Variants in EBPL observed in about 807,000 individuals in gnomAD.
EBPL encodes EBP like, also known as emopamil-binding protein-like.
A neutral mutation model predicts 19.0 loss-of-function variants in EBPL; 20 were observed. The observed-to-expected ratio is 1.05, with a 90% CI of 0.74 to 1.53. EBPL has a LOEUF of 1.53. EBPL is among the 40% of genes most tolerant of loss of function. The pLI is 0.00. For missense variants in EBPL, 219 were observed against 261.1 expected, an observed-to-expected ratio of 0.84 and a Z score of 1.11; for synonymous variants, 107 against 117.0, an observed-to-expected ratio of 0.91 and a Z score of 0.55.
intron 3 of EBPL, 62 bp downstream of exon 3, chr13:49,662,995 C>T (rs1436035750): frequency 1.4e-5 from 23 of 1,598,778 alleles, no homozygotes; most frequent in Non-Finnish European, 1.7e-5. Context: ...CCAAAGGTCA[C>T]CTAAGTGTTG....
At chr13:49,689,821 G>A (rs1289838670) in intron 1 of EBPL, among the ~76,000 whole-genome samples, 1 of 152,068 alleles carries the variant, frequency 6.6e-6, no homozygotes, top group Non-Finnish European at 1.5e-5. Flanking sequence ...TTGTTCTGTG[G>A]GAAACCTTGT....
chr13:49,691,372 C>T lies in EBPL; in HGVS notation c.53G>A (p.Cys18Tyr). The T allele has an allele frequency of 7.3e-7, 1 of 1,370,582 alleles. No homozygotes were observed. The highest frequency in any genetic ancestry group is 9.4e-7 in the Non-Finnish European group (1 of 1,059,232). The allele number at this position is 1,370,582 out of a possible 1,614,324, so 84.9% of individuals were successfully genotyped here. ...GCAGCCCGCCGCCAGCAGCGCGGCG[C>T]ACAGCAGCAGCGAACCGCCAGCCTC... Reference protein sequence around the residue: ...GAEAGGSLLLCAALLAAGCAL... With the variant: ...GAEAGGSLLLYAALLAAGCAL... The change falls in exon 1 of 4, where the codon TGC (cysteine) becomes TAC (tyrosine). Residue 18 changes from cysteine (C) to tyrosine (Y), a missense_variant. Physicochemically the swap from Cys to Tyr is radical, Grantham distance 194. Around this residue, in one of 2 missense-constraint regions of EBPL, gnomAD observed 170 missense variants for 167.0 expected, o/e 1.02. Coordinates refer to ENST00000242827, the MANE Select transcript of EBPL (RefSeq NM_032565.5).
Position 49,663,132 on chromosome 13 carries a change from T to G in EBPL, c.305A>C (p.Glu102Ala). Residue 102 changes from glutamate to alanine, a missense_variant, in exon 3 of 4, where the codon GAA becomes GCA. Physicochemically the swap from Glu to Ala is moderately radical, Grantham distance 107. Transcript: ENST00000242827. ...VYFDPTIVSV[E>A]ILTVALDGSL... ...CCCATCCAGGGCGACGGTCAGAATT[T>G]CCACAGACACAATGGTTGGATCAAA... The G allele has an allele frequency of 6.2e-7, 1 of 1,614,214 alleles. No individual in the cohort carries two copies. The highest frequency in any genetic ancestry group is 8.5e-7 in the Non-Finnish European group (1 of 1,180,038).
At chr13:49,680,176 G>A (rs1414446467) in intron 1 of EBPL, among the ~76,000 whole-genome samples, 2 of 152,144 alleles carry the variant, frequency 1.3e-5, no homozygotes, top group African/African-American at 4.8e-5. Context: ...CGAGCCACAG[G>A]GAAGTCAAGC....
At chr13:49,687,336 CTCTTT>C (rs940798867) in intron 1 of EBPL, among the ~76,000 whole-genome samples, 13 of 152,144 alleles carry the variant, frequency 8.5e-5, no homozygotes, top group African/African-American at 2.9e-4. Flanking sequence ...GCTTGCCTCT[CTCTTT>C]TTTTTAAATG....
At chr13:49,663,685 C>T (rs1056510281) in intron 2 of EBPL, among the ~76,000 whole-genome samples, 1 of 152,066 alleles carries the variant, frequency 6.6e-6, no homozygotes, top group African/African-American at 2.4e-5. Context: ...CACCTGTAAT[C>T]CCAACACTTT....
intron 1 of EBPL, among the ~76,000 whole-genome samples, chr13:49,687,278 C>T (rs1954009033): frequency 6.6e-6 from 1 of 152,150 alleles, no homozygotes; most frequent in Non-Finnish European, 1.5e-5. Flanking sequence ...CCTGGAAAGT[C>T]TCTCACAGTT....
intron 3 of EBPL, among the ~76,000 whole-genome samples, chr13:49,662,789 C>T (rs961514855): frequency 3.3e-5 from 5 of 152,032 alleles, no homozygotes; most frequent in Non-Finnish European, 4.4e-5. Context: ...TGTGCCACCA[C>T]GCCTAATTTT....
At chr13:49,675,464 G>A (rs1250738842) in intron 1 of EBPL, among the ~76,000 whole-genome samples, 1 of 152,142 alleles carries the variant, frequency 6.6e-6, no homozygotes, top group Non-Finnish European at 1.5e-5. Flanking sequence ...TTCATGTCTG[G>A]GTTATTTCAC....
chr13:49,671,466 TA>T (rs535824595), intron 1 of EBPL, among the ~76,000 whole-genome samples: 1 of 152,272 alleles, frequency 6.6e-6, no homozygotes, highest in South Asian at 2.1e-4. Context: ...TAAAGGACAT[TA>T]AAAAAATCAT....
At chr13:49,668,854 G>A (rs1023719401) in intron 2 of EBPL, among the ~76,000 whole-genome samples, 2 of 151,612 alleles carry the variant, frequency 1.3e-5, no homozygotes, top group African/African-American at 4.8e-5. Flanking sequence ...AACCCCACAA[G>A]CTCTTCCATC....
intron 1 of EBPL, among the ~76,000 whole-genome samples, chr13:49,689,970 T>A (rs775880500): frequency 2.6e-5 from 4 of 151,962 alleles, no homozygotes; most frequent in Non-Finnish European, 4.4e-5. Flanking sequence ...GCCAACATAG[T>A]GAAACCTCAT....
chr13:49,684,751 C>G (rs1953979961), intron 1 of EBPL, among the ~76,000 whole-genome samples: 1 of 152,120 alleles, frequency 6.6e-6, no homozygotes, highest in Non-Finnish European at 1.5e-5. Flanking sequence ...TTGAAATAAA[C>G]TTTAAGAGAC....
At chr13:49,674,594 T>A (rs927765656) in intron 1 of EBPL, among the ~76,000 whole-genome samples, 2 of 148,322 alleles carry the variant, frequency 1.3e-5, no homozygotes, top group African/African-American at 4.9e-5. Flanking sequence ...GGGCTTTTTT[T>A]TTTTTTGGCA....
At chr13:49,668,980 C>G (rs1270242196) in intron 2 of EBPL, among the ~76,000 whole-genome samples, 3 of 150,782 alleles carry the variant, frequency 2.0e-5, no homozygotes, top group Non-Finnish European at 3.0e-5. Context: ...CCTGGGTTCA[C>G]GCCATTCTCT....
chr13:49,691,339 C>A lies in EBPL; in HGVS notation c.86G>T (p.Gly29Val). ...AALLAAGCAL[G>V]LRLGRGQGAA... ...CCCCTGCCCGCGGCCCAGGCGCAGG[C>A]CCAGGGCGCAGCCCGCCGCCAGCAG... Residue 29 changes from glycine to valine, a missense_variant, in exon 1 of 4, where the codon GGC becomes GTC. This residue lies in a region of EBPL where 170 missense variants were observed against 167.0 expected (regional missense o/e 1.02). Transcript: ENST00000242827. The A allele has an allele frequency of 1.5e-6, 2 of 1,367,412 alleles. No individual in the cohort carries two copies. Among genetic ancestry groups the A allele is most frequent in the Non-Finnish European group, 1.9e-6 (2 of 1,055,444 alleles). 84.7% of individuals were successfully genotyped at this position (1,367,412 alleles called of 1,614,324 possible).
At chr13:49,683,100 A>G (rs1213154251) in intron 1 of EBPL, among the ~76,000 whole-genome samples, 1 of 151,982 alleles carries the variant, frequency 6.6e-6, no homozygotes, top group Admixed American at 6.6e-5. Context: ...CAGCCTCCCA[A>G]GTAGCTGGGA....
chr13:49,685,613 G>A (rs1274083588), intron 1 of EBPL, among the ~76,000 whole-genome samples: 12 of 152,130 alleles, frequency 7.9e-5, no homozygotes, highest in African/African-American at 2.4e-4. Flanking sequence ...GGTGGCTCAC[G>A]CCTGTAATCT....
intron 2 of EBPL, among the ~76,000 whole-genome samples, chr13:49,666,556 C>T (rs1441680705): frequency 6.6e-6 from 1 of 151,800 alleles, no homozygotes; most frequent in Non-Finnish European, 1.5e-5. Context: ...ACTAAAAATA[C>T]AAAAAATTAG....
Sources: gnomAD v4.1 joint callset for allele counts (sites outside exome capture counted in the v4.1 genomes callset) on GRCh38, gnomAD v4.1.1 for gene constraint, gnomAD v4.1.1 regional missense constraint, MANE v1.5 for transcripts, NCBI Gene and HGNC (gene_info 2026-07-23, HGNC 2026-07-21) for gene names.